The following HIRA variants were observed in gnomAD, a reference collection of about 807,000 sequenced individuals.
HIRA encodes the protein protein HIRA.
Under a neutral mutation model 126.6 loss-of-function variants are expected in HIRA, and 13 were observed. That is an observed-to-expected ratio of 0.10 (90% confidence interval 0.07 to 0.16). The LOEUF (loss-of-function observed/expected upper bound fraction) is 0.16, where lower values mean the gene tolerates loss of function less well. HIRA is among the 10% of genes least tolerant of loss of function. The pLI, the probability that HIRA is intolerant of heterozygous loss-of-function variation, is 1.00. For synonymous variants in HIRA, 511 were observed against 520.0 expected (o/e 0.98, Z 0.24); for missense variants, 834 against 1,314.4 (o/e 0.63, Z 5.65).
chr22:19,355,442 A>T (rs951643086), intron 21 of HIRA, among the ~76,000 whole-genome samples: 1 of 152,190 alleles, frequency 6.6e-6, no homozygotes, highest in Non-Finnish European at 1.5e-5. Flanking sequence ...TGTAAAGCCC[A>T]CTAACCTATG....
chr22:19,416,748 T>C (rs1432276152), intron 1 of HIRA, among the ~76,000 whole-genome samples: 1 of 152,098 alleles, frequency 6.6e-6, no homozygotes, highest in Non-Finnish European at 1.5e-5. Context: ...AAGGAAAATA[T>C]CAACAGAATA....
intron 13 of HIRA, among the ~76,000 whole-genome samples, chr22:19,382,956 G>A (rs912407272): frequency 2.0e-5 from 3 of 152,094 alleles, no homozygotes; most frequent in Non-Finnish European, 4.4e-5. Flanking sequence ...ACTTCTAGAA[G>A]TTATCCTGAG....
At chr22:19,394,285 G>T (rs1249000846) in intron 8 of HIRA, 57 bp downstream of exon 8, 2 of 1,570,784 alleles carry the variant, frequency 1.3e-6, no homozygotes, top group Non-Finnish European at 1.7e-6. Context: ...AATAAACCAA[G>T]AATTAATATT....
At chr22:19,386,901 G>A (rs956737368) in intron 11 of HIRA, among the ~76,000 whole-genome samples, 1 of 152,238 alleles carries the variant, frequency 6.6e-6, no homozygotes, top group African/African-American at 2.4e-5. Flanking sequence ...CCCCCAAAGG[G>A]GTTCACATTT....
At chr22:19,390,625 A>AAAAAAAAAAAAAAAAAAAAG (rs1569304503) in intron 9 of HIRA, among the ~76,000 whole-genome samples, 1 of 148,558 alleles carries the variant, frequency 6.7e-6, no homozygotes, top group Non-Finnish European at 1.5e-5. Context: ...AAAAAAAAAA[A>AAAAAAAAAAAAAAAAAAAAG]AAGAAGCTGA....
Position 19,336,090 on chromosome 22 carries a change from CAA to C in HIRA, c.2938-4536_2938-4535del, listed in dbSNP as rs377434024. ...TCAAAAGAGACAATCTTGAAAGTGG[CAA>C]AAAAAAAGTGACTCATGAGAGGGAT... On this transcript the variant is annotated intron_variant, in intron 24 of 24. Transcript: ENST00000263208. 3.3e-5 allele frequency among the ~76,000 whole-genome samples: 5 copies of C among 150,182 alleles called. No homozygotes were observed. The East Asian group carries it at 9.7e-4, about 29-fold the overall frequency.
Position 19,355,849 on chromosome 22 carries a change from T to C in HIRA, c.2472A>G (p.Val824=). 2 of 1,613,002 alleles carry C rather than the reference T, an allele frequency of 1.2e-6. No individual in the cohort carries two copies. Among genetic ancestry groups the C allele is most frequent in the East Asian group, 2.2e-5 (1 of 44,880 alleles). Reference sequence around the variant, plus strand: ...CATGCTGCGTCAGCAAGATCTGTGATACCGTCATATCACTTCCTGAGGACA... The same window carrying C: ...CATGCTGCGTCAGCAAGATCTGTGACACCGTCATATCACTTCCTGAGGACA... ...HSILAGSDMT[V]SQILLTQHGI... is the part of the protein sequence containing the mutation. The change falls in exon 21 of 25, where the codon GTA becomes GTG. Residue 824 remains valine, a synonymous_variant. Coordinates refer to ENST00000263208, the MANE Select transcript of HIRA (RefSeq NM_003325.4).
At chr22:19,335,172 C>T (rs143274446) in intron 24 of HIRA, among the ~76,000 whole-genome samples, 1 of 151,946 alleles carries the variant, frequency 6.6e-6, no homozygotes, top group African/African-American at 2.4e-5. Flanking sequence ...TGCTGTCATG[C>T]CACTTCACTT....
At chr22:19,373,436 CTG>C (rs955527814) in intron 15 of HIRA, among the ~76,000 whole-genome samples, 6 of 152,204 alleles carry the variant, frequency 3.9e-5, no homozygotes, top group Non-Finnish European at 8.8e-5. Context: ...CTTCTTGTGA[CTG>C]TGGATTTTAT....
At chr22:19,406,954 T>C (rs777051876) in intron 4 of HIRA, among the ~76,000 whole-genome samples, 2 of 152,082 alleles carry the variant, frequency 1.3e-5, no homozygotes, top group Non-Finnish European at 2.9e-5. Context: ...CTAGAAGAGA[T>C]CAGACTTTCC....
At chr22:19,402,911 G>A (rs1267874676) in intron 5 of HIRA, among the ~76,000 whole-genome samples, 1 of 151,640 alleles carries the variant, frequency 6.6e-6, no homozygotes, top group Non-Finnish European at 1.5e-5. Flanking sequence ...TTCAAGACCA[G>A]CCTGGGCAAC....
intron 1 of HIRA, among the ~76,000 whole-genome samples, chr22:19,418,451 C>T (rs568675337): frequency 6.6e-6 from 1 of 150,962 alleles, no homozygotes; most frequent in Non-Finnish European, 1.5e-5. Context: ...GGTGAAACCC[C>T]GTCTCTATTA....
chr22:19,392,911 C>T (rs949208853), intron 8 of HIRA, among the ~76,000 whole-genome samples: 7 of 152,114 alleles, frequency 4.6e-5, no homozygotes, highest in African/African-American at 7.2e-5. Context: ...AAGGGGTGGG[C>T]GCTCTGGGAA....
At chr22:19,426,707 T>G (rs929441419) in intron 1 of HIRA, among the ~76,000 whole-genome samples, 4 of 152,236 alleles carry the variant, frequency 2.6e-5, no homozygotes, top group Non-Finnish European at 5.9e-5. Flanking sequence ...GTTCAATGTT[T>G]GTTGCATAAA....
At chr22:19,381,899 C>T (rs760150213) in intron 13 of HIRA, among the ~76,000 whole-genome samples, 5 of 152,168 alleles carry the variant, frequency 3.3e-5, no homozygotes, top group Admixed American at 2.0e-4. Context: ...CATCTTAGTC[C>T]GGTGGCTTTG....
At chr22:19,359,250 G>T in intron 18 of HIRA, 86 bp downstream of exon 18, 1 of 1,371,156 alleles carries the variant, frequency 7.3e-7, no homozygotes, top group Non-Finnish European at 9.5e-7. Context: ...CCAGGGTCAT[G>T]CACCTCCCCT....
intron 7 of HIRA, 67 bp downstream of exon 7, chr22:19,396,720 T>A: frequency 6.4e-7 from 1 of 1,552,438 alleles, no homozygotes; most frequent in East Asian, 2.2e-5. Context: ...TCCCTCTCTG[T>A]ACACAGAAGT....
intron 15 of HIRA, among the ~76,000 whole-genome samples, chr22:19,373,205 T>C (rs958044870): frequency 1.1e-4 from 16 of 152,254 alleles, no homozygotes; most frequent in Non-Finnish European, 2.4e-4. Context: ...GTTTATAGAA[T>C]ACAGTATTAA....
chr22:19,342,321 G>A (rs1378250158), intron 24 of HIRA, among the ~76,000 whole-genome samples: 10 of 152,284 alleles, frequency 6.6e-5, no homozygotes, highest in Non-Finnish European at 1.2e-4. Flanking sequence ...GCATGGAGGT[G>A]GTGAAAAGGG....
Sources: allele counts gnomAD v4.1 joint callset (sites outside exome capture counted in the v4.1 genomes callset), GRCh38; gene constraint gnomAD v4.1.1; transcripts MANE v1.5; gene names NCBI Gene and HGNC (gene_info 2026-07-23, HGNC 2026-07-21).